CDK18: variants seen among roughly 807,000 people sequenced by gnomAD.
The protein encoded by CDK18 is cyclin-dependent kinase 18.
In CDK18, 52 loss-of-function variants were observed where a neutral mutation model predicts 62.0. The observed-to-expected ratio is 0.84, with a 90% CI of 0.67 to 1.06. The LOEUF is 1.06. Among genes scored for constraint, CDK18 ranks in the 50% least tolerant of loss-of-function variants. The pLI is 0.00. For missense variants in CDK18, 604 were observed against 619.9 expected (o/e 0.97, Z 0.27); for synonymous variants, 237 against 247.0 (o/e 0.96, Z 0.38).
chr1:205,531,445 A>G lies in CDK18; in HGVS notation c.*67A>G, dbSNP rs1202855872. On this transcript the variant is annotated 3_prime_UTR_variant, in exon 16 of 16. Transcript: ENST00000429964. ...TGGAGCACAAATTCGGGTAGGATGGAGCCTGTGTGGCCCTCGGAGGACTGA... is the reference window on the plus strand; with the variant it reads ...TGGAGCACAAATTCGGGTAGGATGGGGCCTGTGTGGCCCTCGGAGGACTGA... 1 of 1,457,778 alleles carries G rather than the reference A, an allele frequency of 6.9e-7. No individual in the cohort carries two copies. Among genetic ancestry groups the G allele is most frequent in the Admixed American group, 1.7e-5 (1 of 59,756 alleles). The allele number at this position is 1,457,778 out of a possible 1,614,324, so 90.3% of individuals were successfully genotyped here. A position where few individuals can be genotyped will look rare whatever the true frequency, so the allele number is the denominator to read the frequency against.
In CDK18 at chr1:205,527,619, C is replaced by G; in HGVS notation, c.730-175C>G. 1 of 656,688 alleles carries G rather than the reference C, an allele frequency of 1.5e-6. No homozygotes were observed. The highest frequency in any genetic ancestry group is 1.9e-5 in the South Asian group (1 of 53,302). The allele number at this position is 656,688 out of a possible 1,614,324, so 40.7% of individuals were successfully genotyped here. A position where few individuals can be genotyped will look rare whatever the true frequency, so the allele number is the denominator to read the frequency against. The stretch of plus-strand genomic sequence containing the variant: ...CTCTGCACCCCTGCTGTCCTCCCCT[C>G]TGGATGGGATTCCCTGGTGTGGGTG... On this transcript the variant is annotated intron_variant, in intron 8 of 15. Coordinates refer to ENST00000429964, the MANE Select transcript of CDK18 (RefSeq NM_212502.3). The surrounding 1 kb of genome is among the most constrained non-coding windows in gnomAD (Gnocchi z 4.1).
chr1:205,520,604 G>A (rs1398934639), intron 1 of CDK18, among the ~76,000 whole-genome samples: 1 of 151,834 alleles, frequency 6.6e-6, no homozygotes, highest in Non-Finnish European at 1.5e-5. Flanking sequence ...GGAGGCTGAG[G>A]CATGAGAATC....
At position 205,526,429 on chromosome 1, in the gene CDK18, G is replaced by A. The variant is rs1668432186; in HGVS notation, c.634G>A (p.Asp212Asn). 3 of 1,613,998 alleles carry A rather than the reference G, an allele frequency of 1.9e-6. No individual in the cohort carries two copies. Among genetic ancestry groups the A allele is most frequent in the South Asian group, 2.2e-5 (2 of 91,092 alleles). The change falls in exon 7 of 16, where the codon GAT becomes AAT. Residue 212 changes from aspartate to asparagine, a missense_variant. Transcript: ENST00000429964. ...IVTLHDLIHT[D>N]RSLTLVFEYL... ...GACCCTGCATGACCTCATCCACACA[G>A]ATCGGTCCCTCACCCTGGTGTTTGA...
Position 205,526,167 on chromosome 1 carries a change from G to T in CDK18, c.559G>T (p.Ala187Ser), listed in dbSNP as rs1306006545. 1 of 1,613,518 alleles carries T rather than the reference G, an allele frequency of 6.2e-7. No individual in the cohort carries two copies. Among genetic ancestry groups the T allele is most frequent in the South Asian group, 1.1e-5 (1 of 91,016 alleles). Reference sequence around the variant, plus strand: ...GCACGAGGAGGGAGCGCCCTGCACTGCCATCCGAGAGGGTACAGCATCCTA... The same window carrying T: ...GCACGAGGAGGGAGCGCCCTGCACTTCCATCCGAGAGGGTACAGCATCCTA... The part of the protein sequence containing the change: ...LEHEEGAPCT[A>S]IREVSLLKNL... The change falls in exon 6 of 16, where the codon GCC becomes TCC. Residue 187 changes from alanine (A) to serine (S), a missense_variant. Coordinates refer to ENST00000429964, the MANE Select transcript of CDK18 (RefSeq NM_212502.3).
chr1:205,529,565 TGA>T lies in CDK18; in HGVS notation c.1221+4_1221+5del. On this transcript the variant is annotated splice_donor_region_variant and intron_variant, in intron 13 of 15. Transcript: ENST00000429964. ...CACCTCCTGAGCAGCCTGCTCCTGGTGAGTGTCCTCCCGGCGGGGCCCAGGGA... is the reference window on the plus strand; with the variant it reads ...CACCTCCTGAGCAGCCTGCTCCTGGTGTGTCCTCCCGGCGGGGCCCAGGGA... 1 of 1,613,662 alleles carries T rather than the reference TGA, an allele frequency of 6.2e-7. No homozygotes were observed. Among genetic ancestry groups the T allele is most frequent in the Non-Finnish European group, 8.5e-7 (1 of 1,179,908 alleles).
chr1:205,523,970 G>A (rs1668283001), intron 3 of CDK18, among the ~76,000 whole-genome samples: 1 of 152,234 alleles, frequency 6.6e-6, no homozygotes, highest in Non-Finnish European at 1.5e-5. Flanking sequence ...TGAGACTGAT[G>A]TTGCACAGAT....
In CDK18 at chr1:205,531,024, C is replaced by T. The variant is rs571662591; in HGVS notation, c.1390+319C>T. On this transcript the variant is annotated intron_variant, in intron 15 of 15. Transcript: ENST00000429964. ...GGAGAACGGTACTTTGTTCCTAGAA[C>T]AGTCAATGGCCTTGGACATTGACAA... is the stretch of plus-strand genomic sequence containing the variant. 1.7e-4 allele frequency among the ~76,000 whole-genome samples: 26 copies of T among 152,354 alleles called. No homozygotes were observed. In the South Asian group the frequency reaches 5.4e-3, roughly 32 times the overall value.
intron 1 of CDK18, among the ~76,000 whole-genome samples, chr1:205,511,820 G>C (rs1373037388): frequency 1.3e-5 from 2 of 152,164 alleles, no homozygotes; most frequent in Admixed American, 1.3e-4. Flanking sequence ...TTGGGAGGCC[G>C]AGGCGGGCGG....
At position 205,525,137 on chromosome 1, in the gene CDK18, A is replaced by G. The variant is rs1396236891; in HGVS notation, c.400-2A>G. 3.7e-6 allele frequency: 6 copies of G among 1,605,604 alleles called. No individual in the cohort carries two copies. The highest frequency in any genetic ancestry group is 5.1e-6 in the Non-Finnish European group (6 of 1,173,454). On this transcript the variant is annotated splice_acceptor_variant, in intron 4 of 15. Coordinates refer to ENST00000429964, the MANE Select transcript of CDK18 (RefSeq NM_212502.3). LOFTEE classifies it high-confidence loss of function. ...ACGGCATTCTATGTCTCTCCCTCTCAGTCAGACATTGGCTTTGGGAAACTG... is the reference window on the plus strand; with the variant it reads ...ACGGCATTCTATGTCTCTCCCTCTCGGTCAGACATTGGCTTTGGGAAACTG...
rs1233616737 is a variant in CDK18, at chr1:205,521,298, G to A, written c.-21-1849G>A. Among the ~76,000 whole-genome samples the A allele has an allele frequency of 2.6e-5, 4 of 152,162 alleles. 1 individual carries two copies. The highest frequency in any genetic ancestry group is 5.9e-5 in the Non-Finnish European group (4 of 68,034). ...GCAATCTCCACTCACTGCAACCTCC[G>A]CCTCCAGGGTTCAAGCAATCCTCCT... On this transcript the variant is annotated intron_variant, in intron 1 of 15. Coordinates refer to ENST00000429964, the MANE Select transcript of CDK18 (RefSeq NM_212502.3).
Position 205,528,650 on chromosome 1 carries a change from A to G in CDK18, c.975-349A>G, listed in dbSNP as rs1334960091. The G allele has an allele frequency of 3.4e-6, 1 of 293,810 alleles. No individual in the cohort carries two copies. The highest frequency in any genetic ancestry group is 4.7e-5 in the Admixed American group (1 of 21,238). The allele number at this position is 293,810 out of a possible 1,614,324, so 18.2% of individuals were successfully genotyped here. A position where few individuals can be genotyped will look rare whatever the true frequency, so the allele number is the denominator to read the frequency against. On this transcript the variant is annotated intron_variant, in intron 10 of 15. Transcript: ENST00000429964. The surrounding 1 kb of genome is among the most constrained non-coding windows in gnomAD (Gnocchi z 4.2). The stretch of plus-strand genomic sequence containing the variant: ...GTTCCCCAGGAGAATGGATTTATGT[A>G]CTTCTCTTCCAGTGGGGCACACAGT...
chr1:205,520,727 AAG>A (rs1668079830), intron 1 of CDK18, among the ~76,000 whole-genome samples: 2 of 151,936 alleles, frequency 1.3e-5, no homozygotes, highest in African/African-American at 4.8e-5. Flanking sequence ...AAAAGGAAAA[AAG>A]AAAATAATTG....
chr1:205,511,919 TGTC>T (rs1301504970), intron 1 of CDK18, among the ~76,000 whole-genome samples: 22 of 152,118 alleles, frequency 1.4e-4, no homozygotes, highest in Non-Finnish European at 1.3e-4. Flanking sequence ...CTGGGTGTGG[TGTC>T]GTGCGCTTGT....
At chr1:205,518,382 T>C (rs1667932736) in intron 1 of CDK18, among the ~76,000 whole-genome samples, 1 of 152,206 alleles carries the variant, frequency 6.6e-6, no homozygotes, top group South Asian at 2.1e-4. Flanking sequence ...AATTGTTGAA[T>C]GAATGAATGG....
chr1:205,508,584 G>C (rs1457810243), intron 1 of CDK18, among the ~76,000 whole-genome samples: 2 of 152,240 alleles, frequency 1.3e-5, no homozygotes, highest in East Asian at 3.8e-4. Context: ...TGAGGCAAGT[G>C]TGAGGTTTGG....
In CDK18 at chr1:205,532,771, A is replaced by G. The variant is rs1039592700; in HGVS notation, c.*1393A>G. 3.9e-5 allele frequency: 6 copies of G among 152,232 alleles called. No individual in the cohort carries two copies. Among genetic ancestry groups the G allele is most frequent in the Non-Finnish European group, 8.8e-5 (6 of 67,960 alleles). The allele number at this position is 152,232 out of a possible 1,614,324, so 9.4% of individuals were successfully genotyped here. A position where few individuals can be genotyped will look rare whatever the true frequency, so the allele number is the denominator to read the frequency against. On this transcript the variant is annotated 3_prime_UTR_variant, in exon 16 of 16. Transcript: ENST00000429964. ...GACTCAGTGCAGAGACAGATAATAT[A>G]TTTAATTCATGTACAGAAAGGAGCG...
At chr1:205,525,075 G>T in intron 4 of CDK18, 64 bp from the exon 5 acceptor site, 1 of 1,080,868 alleles carries the variant, frequency 9.3e-7, no homozygotes, top group Non-Finnish European at 1.4e-6. Flanking sequence ...GTTGGGGGAG[G>T]CGTCATGTCT....
At chr1:205,529,669 G>A in intron 13 of CDK18, 106 bp downstream of exon 13, 1 of 1,584,844 alleles carries the variant, frequency 6.3e-7, no homozygotes, top group Non-Finnish European at 8.6e-7. Flanking sequence ...GTGCTTACAC[G>A]TCTTTGAAAC....
chr1:205,512,233 C>A (rs996151254), intron 1 of CDK18, among the ~76,000 whole-genome samples: 1 of 152,132 alleles, frequency 6.6e-6, no homozygotes, highest in Admixed American at 6.5e-5. Flanking sequence ...ACCCAGGAAG[C>A]ATGCCCAGAG....
Sources: gnomAD v4.1 joint callset for allele counts (sites outside exome capture counted in the v4.1 genomes callset) on GRCh38, gnomAD v4.1.1 for gene constraint, Gnocchi (gnomAD v3.1) non-coding constraint, MANE v1.5 for transcripts, NCBI Gene and HGNC (gene_info 2026-07-23, HGNC 2026-07-21) for gene names.